The following C1S variants were observed in gnomAD, a reference collection of about 807,000 sequenced individuals.
C1S encodes the protein complement C1s.
Under a neutral mutation model 54.0 loss-of-function variants are expected in C1S, and 31 were observed. The ratio of observed to expected loss-of-function variants is 0.57; its 90% CI spans 0.43 to 0.78. The LOEUF (loss-of-function observed/expected upper bound fraction) is 0.78. C1S is among the 30% of genes least tolerant of loss of function. The pLI, the probability that C1S is intolerant of heterozygous loss-of-function variation, is 0.00. For synonymous variants in C1S, 292 were observed against 303.6 expected, an observed-to-expected ratio of 0.96 and a Z score of 0.40; for missense variants, 727 against 851.8, an observed-to-expected ratio of 0.85 and a Z score of 1.82.
chr12:7,062,035 T>G, intron 2 of C1S, 118 bp downstream of exon 2: 1 of 1,013,228 alleles, frequency 9.9e-7, no homozygotes. Context: ...TTTGGGAGGC[T>G]GAGGCGGGAG....
At position 7,064,254 on chromosome 12, in the gene C1S, C is replaced by T; in HGVS notation, c.392-13C>T. On this transcript the variant is annotated splice_polypyrimidine_tract_variant and intron_variant, in intron 4 of 11. Coordinates refer to ENST00000360817, the MANE Select transcript of C1S (RefSeq NM_001734.5). ...GTTTGTTCTTGACCTCAGCCTCTTT[C>T]TACTCTTTGTAGACATAAATGAATG... 1.9e-6 allele frequency: 3 copies of T among 1,613,920 alleles called. No individual in the cohort carries two copies. Among genetic ancestry groups the T allele is most frequent in the Middle Eastern group, 1.7e-4 (1 of 6,056 alleles).
rs782703633 is a variant in C1S, at chr12:7,062,650, C to T, written c.181C>T (p.Leu61=). ...HLYFTHLDIE[L]SENCAYDSVQ... ...CTACTTCACCCATCTGGACATTGAG[C>T]TGTCAGAGAACTGTGCGTATGACTC... Residue 61 remains leucine, a synonymous_variant, in exon 3 of 12, where the codon CTG becomes TTG. Transcript: ENST00000360817. 1.3e-5 allele frequency: 21 copies of T among 1,613,984 alleles called. 1 individual carries two copies. The East Asian group carries it at 4.7e-4, about 36-fold the overall frequency.
rs1240360846 is a variant in C1S, at chr12:7,064,647, G to T, written c.517+255G>T. The stretch of plus-strand genomic sequence containing the variant: ...ATTTTAGTGCACTTGTTACTTGAGC[G>T]GTGTACACTATACCCAGTGTGTAGT... On this transcript the variant is annotated intron_variant, in intron 5 of 11. Transcript: ENST00000360817. 2.0e-5 allele frequency among the ~76,000 whole-genome samples: 3 copies of T among 151,906 alleles called. No individual in the cohort carries two copies. In the South Asian group the frequency reaches 6.2e-4, roughly 32 times the overall value.
rs782743138 is a variant in C1S, at chr12:7,067,617, A to G, written c.1067-26A>G. On this transcript the variant is annotated intron_variant, in intron 9 of 11. Transcript: ENST00000360817. The stretch of plus-strand genomic sequence containing the variant: ...CTTGGAGGAAGTGGCTGTCCTGACC[A>G]TCGCTCTCCTTCCTTCGTCTGGTAG... The G allele has an allele frequency of 2.5e-6, 4 of 1,613,042 alleles. No individual in the cohort carries two copies. In the African/African-American group the frequency reaches 4.0e-5, roughly 16 times the overall value.
rs781955257 is a variant in C1S, at chr12:7,070,645, G to A, written c.2061G>A (p.Glu687=). ...KTMQENSTPR[E]D is the part of the protein sequence containing the mutation. The stretch of plus-strand genomic sequence containing the variant: ...TGCAGGAAAATAGCACCCCCCGTGA[G>A]GACTAATCCAGATACATCCCACCAG... Residue 687 remains glutamate, a synonymous_variant, in exon 12 of 12, where the codon GAG becomes GAA. Coordinates refer to ENST00000360817, the MANE Select transcript of C1S (RefSeq NM_001734.5). This position sits in a 1 kb window ranked among gnomAD's most constrained non-coding sequence, Gnocchi z 4.9. The A allele has an allele frequency of 1.2e-5, 20 of 1,613,406 alleles. No individual in the cohort carries two copies. In the South Asian group the frequency reaches 1.5e-4, roughly 12 times the overall value.
intron 3 of C1S, 96 bp from the exon 4 acceptor site, chr12:7,062,794 A>C: frequency 1.3e-6 from 2 of 1,500,188 alleles, no homozygotes; most frequent in East Asian, 2.3e-5. Context: ...GTCAAGTCCT[A>C]GTGGCATAAA....
At chr12:7,066,470 A>G (rs1555162234) in intron 7 of C1S, 48 bp from the exon 8 acceptor site, 1 of 1,036,774 alleles carries the variant, frequency 9.6e-7, no homozygotes, top group Non-Finnish European at 1.5e-6. Context: ...GAGAGTCTTC[A>G]ACTATTTAGT....
chr12:7,067,142 T>G, intron 9 of C1S, 25 bp downstream of exon 9: 2 of 1,375,780 alleles, frequency 1.5e-6, no homozygotes, highest in Non-Finnish European at 2.1e-6. Flanking sequence ...AAAGTGGAAG[T>G]CTTTCTTTTT....
In C1S at chr12:7,065,824, C is replaced by G; in HGVS notation, c.725C>G (p.Ala242Gly). 1 of 1,613,654 alleles carries G rather than the reference C, an allele frequency of 6.2e-7. No homozygotes were observed. The highest frequency in any genetic ancestry group is 8.5e-7 in the Non-Finnish European group (1 of 1,179,666). Residue 242 changes from alanine to glycine, a missense_variant, in exon 7 of 12, where the codon GCA becomes GGA. Coordinates refer to ENST00000360817, the MANE Select transcript of C1S (RefSeq NM_001734.5). ...TTTCATCATTTTGTTCAGTTTGTTG[C>G]AGGAGATCGGCAATTTGGTCCTTAC... ...GNCLDSLVFV[A>G]GDRQFGPYCG...
intron 2 of C1S, 123 bp from the exon 3 acceptor site, chr12:7,062,352 C>T (rs928226498): frequency 2.7e-6 from 2 of 747,270 alleles, no homozygotes; most frequent in African/African-American, 3.5e-5. Flanking sequence ...ACCTAAGATT[C>T]TCCCCCATGG....
rs2135729988 is a variant in C1S, at chr12:7,070,132, G to A, written c.1548G>A (p.Leu516=). 2.5e-6 allele frequency: 4 copies of A among 1,614,216 alleles called. No homozygotes were observed. Among genetic ancestry groups the A allele is most frequent in the Non-Finnish European group, 3.4e-6 (4 of 1,180,042 alleles). The change falls in exon 12 of 12, where the codon CTG becomes CTA. Residue 516 remains leucine, a synonymous_variant. Transcript: ENST00000360817. The surrounding 1 kb of genome is among the most constrained non-coding windows in gnomAD (Gnocchi z 4.9). ...EHVFIHPGWK[L]LEVPEGRTNF... ...TGTTTATTCATCCGGGATGGAAGCT[G>A]CTGGAAGTCCCAGAAGGACGAACCA... is the stretch of plus-strand genomic sequence containing the variant.
chr12:7,067,397 A>C, intron 9 of C1S: 4 of 647,524 alleles, frequency 6.2e-6, no homozygotes, highest in Non-Finnish European at 1.1e-5. Flanking sequence ...GCCTTCACCA[A>C]CCACTGAGAA....
At chr12:7,062,367 T>C (rs760878456) in intron 2 of C1S, 108 bp from the exon 3 acceptor site, 4 of 823,038 alleles carry the variant, frequency 4.9e-6, no homozygotes, top group South Asian at 2.8e-5. Context: ...CCATGGCCGA[T>C]TGACTGCCTC....
At position 7,067,907 on chromosome 12, in the gene C1S, G is replaced by T; in HGVS notation, c.1195+136G>T. ...AGACATTGTTCATCCCCTTGGCTTCGTCCAAAGATACAGTTTTCATCTGGA... is the reference window on the plus strand; with the variant it reads ...AGACATTGTTCATCCCCTTGGCTTCTTCCAAAGATACAGTTTTCATCTGGA... On this transcript the variant is annotated intron_variant, in intron 10 of 11. Transcript: ENST00000360817. 7.4e-6 allele frequency: 7 copies of T among 952,358 alleles called. No homozygotes were observed. The South Asian group carries it at 9.5e-5, about 13-fold the overall frequency. The allele number at this position is 952,358 out of a possible 1,614,324, so 59.0% of individuals were successfully genotyped here. A position where few individuals can be genotyped will look rare whatever the true frequency, so the allele number is the denominator to read the frequency against.
At position 7,069,986 on chromosome 12, in the gene C1S, T is replaced by C. The variant is rs142929874; in HGVS notation, c.1402T>C (p.Tyr468His). 5.6e-6 allele frequency: 9 copies of C among 1,614,150 alleles called. No homozygotes were observed. Among genetic ancestry groups the C allele is most frequent in the South Asian group, 1.1e-5 (1 of 91,074 alleles). ...GGCTGGTGGAGCGCTCATTAATGAG[T>C]ACTGGGTGCTGACGGCTGCTCATGT... ...PWAGGALINE[Y>H]WVLTAAHVVE... The change falls in exon 12 of 12, where the codon TAC (tyrosine) becomes CAC (histidine). Residue 468 changes from tyrosine to histidine, a missense_variant. Physicochemically the swap from Tyr to His is moderately conservative, Grantham distance 83. Transcript: ENST00000360817.
At chr12:7,067,803 A>T in intron 10 of C1S, 32 bp downstream of exon 10, 1 of 1,606,626 alleles carries the variant, frequency 6.2e-7, no homozygotes, top group Non-Finnish European at 8.5e-7. Flanking sequence ...AGAGAGAGAG[A>T]GAGTGAGAAG....
chr12:7,063,998 C>T (rs1555161660), intron 4 of C1S: 2 of 524,334 alleles, frequency 3.8e-6, no homozygotes, highest in Non-Finnish European at 7.4e-6. Context: ...CCCACCACTG[C>T]ACTCCAGCCT....
At position 7,070,977 on chromosome 12, in the gene C1S, C is replaced by G; in HGVS notation, c.*326C>G. 3.0e-6 allele frequency: 1 copy of G among 335,150 alleles called. No homozygotes were observed. Among genetic ancestry groups the G allele is most frequent in the East Asian group, 7.1e-5 (1 of 14,056 alleles). 20.8% of individuals were successfully genotyped at this position (335,150 alleles called of 1,614,324 possible). A position where few individuals can be genotyped will look rare whatever the true frequency, so the allele number is the denominator to read the frequency against. On this transcript the variant is annotated 3_prime_UTR_variant, in exon 12 of 12. Coordinates refer to ENST00000360817, the MANE Select transcript of C1S (RefSeq NM_001734.5). This position sits in a 1 kb window ranked among gnomAD's most constrained non-coding sequence, Gnocchi z 4.9. The stretch of plus-strand genomic sequence containing the variant: ...CTTTACCTGTTCAAAATTCCATTTA[C>G]TTGATCATTCTCAGTATCCACTGTC...
In C1S at chr12:7,067,078, A is replaced by C; in HGVS notation, c.1027A>C (p.Ser343Arg). ...AACATCTTTCTATTCGACTTGTCAA[A>C]GCAATGGAAAGTGGAGTAATTCCAA... ...GATSFYSTCQ[S>R]NGKWSNSKLK... Residue 343 changes from serine to arginine, a missense_variant, in exon 9 of 12, where the codon AGC becomes CGC. Around this residue, in one of 3 missense-constraint regions of C1S, gnomAD observed 360 missense variants for 453.6 expected, o/e 0.79. Transcript: ENST00000360817. 2.5e-6 allele frequency: 4 copies of C among 1,612,300 alleles called. No homozygotes were observed. Among genetic ancestry groups the C allele is most frequent in the Non-Finnish European group, 3.4e-6 (4 of 1,178,276 alleles).
Sources: allele counts gnomAD v4.1 joint callset (sites outside exome capture counted in the v4.1 genomes callset), GRCh38; gene constraint gnomAD v4.1.1; regional missense constraint gnomAD v4.1.1; non-coding constraint Gnocchi (gnomAD v3.1); transcripts MANE v1.5; gene names NCBI Gene and HGNC (gene_info 2026-07-23, HGNC 2026-07-21).